Variants in MACROD2 observed in about 807,000 individuals in gnomAD.
MACROD2 encodes mono-ADP ribosylhydrolase 2, also known as ADP-ribose glycohydrolase MACROD2.
Under a neutral mutation model 70.4 loss-of-function variants are expected in MACROD2, and 36 were observed. That is an observed-to-expected ratio of 0.51 (90% CI 0.39 to 0.68). The LOEUF is 0.68. MACROD2 is among the 30% of genes least tolerant of loss of function. The pLI is 0.00. For synonymous variants in MACROD2, 172 were observed against 178.8 expected (o/e 0.96, Z 0.30); for missense variants, 496 against 538.4 (o/e 0.92, Z 0.78).
At chr20:14,864,871 G>A (rs994181132) in intron 5 of MACROD2, among the ~76,000 whole-genome samples, 1 of 152,102 alleles carries the variant, frequency 6.6e-6, no homozygotes, top group Non-Finnish European at 1.5e-5. Flanking sequence ...TTCCCTATGA[G>A]AATGTTAAAT....
intron 8 of MACROD2, among the ~76,000 whole-genome samples, chr20:15,766,069 TG>T (rs1346786292): frequency 6.6e-6 from 1 of 152,216 alleles, no homozygotes; most frequent in Non-Finnish European, 1.5e-5. Context: ...ATTTCTCTTA[TG>T]TTTTTTATTT....
rs1211662515 is a variant in MACROD2 at position 15,528,660 on chromosome 20, A to G, written c.645+28813A>G. Among the ~76,000 whole-genome samples the G allele has an allele frequency of 3.3e-5, 5 of 150,174 alleles. No individual in the cohort carries two copies. The East Asian group carries it at 9.8e-4, about 29-fold the overall frequency. Reference sequence around the variant, plus strand: ...TTTCTGTCTCATCTCCTGACCACACACTTCTGTTTGCGTTTTTTCATCCAG... The same window carrying G: ...TTTCTGTCTCATCTCCTGACCACACGCTTCTGTTTGCGTTTTTTCATCCAG... On this transcript the variant is annotated intron_variant, in intron 8 of 17. Transcript: ENST00000684519.
At chr20:16,025,784 C>A (rs1336495989) in intron 15 of MACROD2, among the ~76,000 whole-genome samples, 1 of 152,130 alleles carries the variant, frequency 6.6e-6, no homozygotes, top group Non-Finnish European at 1.5e-5. Context: ...GCATTTCTAA[C>A]CACAGGGATA....
chr20:15,763,181 G>A (rs1266139677), intron 8 of MACROD2, among the ~76,000 whole-genome samples: 1 of 152,138 alleles, frequency 6.6e-6, no homozygotes, highest in Non-Finnish European at 1.5e-5. Flanking sequence ...CACCGCCACT[G>A]ACATATCTCA....
chr20:14,659,495 G>A lies in MACROD2; in HGVS notation c.302-25348G>A, dbSNP rs530629309. 3.4e-4 allele frequency among the ~76,000 whole-genome samples: 52 copies of A among 152,230 alleles called. No homozygotes were observed. In the South Asian group the frequency reaches 7.9e-3, roughly 23 times the overall value. ...AGACAGTTGCTTGGTTCCTTTTAGA[G>A]TGCTGTCTTTATTGTGCCAGAATTT... On this transcript the variant is annotated intron_variant, in intron 4 of 17. Transcript: ENST00000684519.
chr20:14,860,610 C>T (rs920694327), intron 5 of MACROD2, among the ~76,000 whole-genome samples: 8 of 152,052 alleles, frequency 5.3e-5, no homozygotes, highest in Admixed American at 2.0e-4. Flanking sequence ...TCTCACTGGC[C>T]CCTTTGATGC....
chr20:15,260,738 A>G (rs991647567), intron 6 of MACROD2, among the ~76,000 whole-genome samples: 1 of 151,990 alleles, frequency 6.6e-6, no homozygotes, highest in African/African-American at 2.4e-5. Context: ...ACAACATTGT[A>G]TGAAGGCTCC....
At chr20:15,214,980 A>G (rs1271769567) in intron 5 of MACROD2, among the ~76,000 whole-genome samples, 2 of 152,162 alleles carry the variant, frequency 1.3e-5, no homozygotes, top group Non-Finnish European at 2.9e-5. Flanking sequence ...AAAAATAAAT[A>G]TCCCTTTTGG....
chr20:14,424,058 G>A (rs2083908167), intron 3 of MACROD2, among the ~76,000 whole-genome samples: 2 of 152,030 alleles, frequency 1.3e-5, no homozygotes, highest in South Asian at 4.2e-4. Context: ...CACCACGCCC[G>A]GCCTTAAAGT....
intron 5 of MACROD2, among the ~76,000 whole-genome samples, chr20:15,033,083 G>A (rs2075287595): frequency 6.6e-6 from 1 of 152,142 alleles, no homozygotes; most frequent in Non-Finnish European, 1.5e-5. Flanking sequence ...GGAGGATGGG[G>A]CGTTATTGTT....
intron 5 of MACROD2, among the ~76,000 whole-genome samples, chr20:15,070,911 GAAA>G (rs34723701): frequency 1.6e-5 from 2 of 127,838 alleles, no homozygotes; most frequent in Non-Finnish European, 3.4e-5. Flanking sequence ...TTTGTTTTTG[GAAA>G]AAAAAAAAAA....
intron 4 of MACROD2, among the ~76,000 whole-genome samples, chr20:14,617,484 C>A (rs1983550010): frequency 6.6e-6 from 1 of 152,040 alleles, no homozygotes; most frequent in African/African-American, 2.4e-5. Flanking sequence ...AAACACAAAC[C>A]ATTCTCTATG....
At chr20:15,794,432 C>G (rs537272054) in intron 8 of MACROD2, among the ~76,000 whole-genome samples, 18 of 152,292 alleles carry the variant, frequency 1.2e-4, no homozygotes, top group African/African-American at 3.8e-4. Context: ...TCAGCTGGGG[C>G]AGAAAACCTG....
intron 11 of MACROD2, among the ~76,000 whole-genome samples, chr20:15,936,119 C>A (rs1048077697): frequency 2.0e-5 from 3 of 151,566 alleles, no homozygotes; most frequent in African/African-American, 7.3e-5. Context: ...GTTCCCCGAC[C>A]CTGCTACTAC....
intron 9 of MACROD2, 69 bp downstream of exon 9, chr20:15,862,895 C>G (rs1255369524): frequency 3.4e-6 from 4 of 1,185,074 alleles, no homozygotes; most frequent in Non-Finnish European, 4.9e-6. Context: ...ACTTCTATTC[C>G]TATTGTTTTT....
chr20:15,054,308 G>A (rs942030228), intron 5 of MACROD2, among the ~76,000 whole-genome samples: 1 of 152,108 alleles, frequency 6.6e-6, no homozygotes, highest in African/African-American at 2.4e-5. Context: ...AATTTTTTGT[G>A]AAAGAGTCAG....
intron 3 of MACROD2, chr20:14,324,092 A>G (rs1018839059): frequency 1.3e-5 from 2 of 152,572 alleles, no homozygotes; most frequent in Non-Finnish European, 2.9e-5. Context: ...CTACTTAGTG[A>G]TAGTAACACA....
chr20:14,008,847 GAGAT>G (rs61245455), intron 2 of MACROD2, among the ~76,000 whole-genome samples: 64,012 of 151,442 alleles, frequency 0.42, 14,171 homozygotes, highest in African/African-American at 0.56. Flanking sequence ...GACAAACCTG[GAGAT>G]CACAAACAAG....
At chr20:15,934,097 CAA>C (rs2065621160) in intron 11 of MACROD2, among the ~76,000 whole-genome samples, 1 of 151,924 alleles carries the variant, frequency 6.6e-6, no homozygotes, top group African/African-American at 2.4e-5. Context: ...ACATAACCAG[CAA>C]AAAAATAAAA....
Sources: allele counts gnomAD v4.1 joint callset (sites outside exome capture counted in the v4.1 genomes callset), GRCh38; gene constraint gnomAD v4.1.1; transcripts MANE v1.5; gene names NCBI Gene and HGNC (gene_info 2026-07-23, HGNC 2026-07-21).